The following LEPR variants were observed in gnomAD, a reference collection of about 807,000 sequenced individuals.
The protein encoded by LEPR is leptin receptor.
A neutral mutation model predicts 114.7 loss-of-function variants in LEPR; 56 were observed. That is an observed-to-expected ratio of 0.49 (90% CI 0.39 to 0.61). LEPR has a LOEUF of 0.61. LEPR is among the 20% of genes least tolerant of loss of function. The pLI is 0.00. For synonymous variants in LEPR, 443 were observed against 461.4 expected (o/e 0.96, Z 0.51); for missense variants, 1,202 against 1,352.9 (o/e 0.89, Z 1.75).
intron 2 of LEPR, among the ~76,000 whole-genome samples, chr1:65,445,649 T>A (rs1557594805): frequency 2.0e-5 from 3 of 152,132 alleles, no homozygotes; most frequent in Admixed American, 6.5e-5. Context: ...TTTTTTTTTT[T>A]AAACAGCAAA....
chr1:65,436,769 A>G (rs921271689), intron 2 of LEPR, among the ~76,000 whole-genome samples: 10 of 152,246 alleles, frequency 6.6e-5, no homozygotes, highest in Non-Finnish European at 1.2e-4. Flanking sequence ...GTGTTTACAC[A>G]CTTCGGAATG....
intron 2 of LEPR, among the ~76,000 whole-genome samples, chr1:65,547,351 T>C (rs1192716802): frequency 1.3e-5 from 2 of 152,210 alleles, no homozygotes; most frequent in Admixed American, 6.5e-5. Flanking sequence ...TCCCTCTTTT[T>C]CTATTGATTG....
At position 65,596,642 on chromosome 1, in the gene LEPR, A is replaced by G. The variant is rs3828034; in HGVS notation, c.849+49A>G. The G allele has an allele frequency of 0.17, 257,863 of 1,554,048 alleles. 23,059 individuals carry two copies. The highest frequency in any genetic ancestry group is 0.25 in the Middle Eastern group (1,321 of 5,298). On this transcript the variant is annotated intron_variant, in intron 7 of 19. Coordinates refer to ENST00000349533, the MANE Select transcript of LEPR (RefSeq NM_002303.6). The stretch of plus-strand genomic sequence containing the variant: ...AGGAAAAGTTGAGAAGTAAATAAAG[A>G]CCCTCTTAAGTCCCATAGCAATTAC...
Position 65,592,826 on chromosome 1 carries a change from TTC to T in LEPR, c.665_666del (p.Phe222SerfsTer16). 1 of 1,613,300 alleles carries T rather than the reference TTC, an allele frequency of 6.2e-7. No individual in the cohort carries two copies. ...GAAAATCACATCTGGTGGAGTAATTTTCCAGTCACCTCTAATGTCAGTTCAGC... is the reference window on the plus strand; with the variant it reads ...GAAAATCACATCTGGTGGAGTAATTTCAGTCACCTCTAATGTCAGTTCAGC... Reference protein sequence around the residue: ...CLKITSGGVIFQSPLMSVQPI... With the variant: ...CLKITSGGVIXQSPLMSVQPI... On this transcript the variant is annotated frameshift_variant, in exon 6 of 20. Coordinates refer to ENST00000349533, the MANE Select transcript of LEPR (RefSeq NM_002303.6). LOFTEE classifies it high-confidence loss of function.
rs1364613256 is a variant in LEPR at position 65,601,554 on chromosome 1, A to G, written c.1157A>G (p.Asp386Gly). Reference protein sequence around the residue: ...IPQSQYDVVSDHVSKVTFFNL... With the variant: ...IPQSQYDVVSGHVSKVTFFNL... ...CAAAGCCAGTATGATGTTGTGAGTG[A>G]TCATGTTAGCAAAGTTACTTTTTTC... Residue 386 changes from aspartate (D) to glycine (G), a missense_variant, in exon 9 of 20, where the codon GAT becomes GGT. By Grantham distance (94) the Asp-to-Gly change is moderately conservative (BLOSUM62 -1). Transcript: ENST00000349533. 5.0e-6 allele frequency: 8 copies of G among 1,613,690 alleles called. No individual in the cohort carries two copies. The highest frequency in any genetic ancestry group is 6.8e-6 in the Non-Finnish European group (8 of 1,179,780).
intron 2 of LEPR, among the ~76,000 whole-genome samples, chr1:65,515,209 C>T (rs1397312972): frequency 6.6e-6 from 1 of 152,172 alleles, no homozygotes; most frequent in Non-Finnish European, 1.5e-5. Context: ...CAAAGATGCT[C>T]TTAAGTCACT....
At chr1:65,424,609 A>G (rs983339035) in intron 1 of LEPR, among the ~76,000 whole-genome samples, 2 of 152,192 alleles carry the variant, frequency 1.3e-5, no homozygotes, top group Non-Finnish European at 2.9e-5. Context: ...TAAGAAATAT[A>G]TTTTAGACTG....
chr1:65,433,887 TG>T (rs1182815256), intron 2 of LEPR: 3 of 985,362 alleles, frequency 3.0e-6, no homozygotes, highest in East Asian at 1.1e-4. Flanking sequence ...TGTTTTAAAA[TG>T]GGCAGTTTTG....
chr1:65,434,172 C>G lies in LEPR; in HGVS notation c.-21+8794C>G, dbSNP rs907204388. 4.1e-6 allele frequency: 4 copies of G among 983,948 alleles called. No individual in the cohort carries two copies. The African/African-American group carries it at 7.0e-5, about 17-fold the overall frequency. The allele number at this position is 983,948 out of a possible 1,614,324, so 61.0% of individuals were successfully genotyped here. On this transcript the variant is annotated intron_variant, in intron 2 of 19. Transcript: ENST00000349533. The stretch of plus-strand genomic sequence containing the variant: ...GAAGTGATAGATTATTAGATTTGCT[C>G]TATGTCTGAAAAGAGAGCTATTCTG...
chr1:65,434,174 A>G (rs1646526568), intron 2 of LEPR: 4 of 983,618 alleles, frequency 4.1e-6, no homozygotes, highest in African/African-American at 3.5e-5. Flanking sequence ...GATTTGCTCT[A>G]TGTCTGAAAA....
chr1:65,486,768 C>T (rs1647506066), intron 2 of LEPR, among the ~76,000 whole-genome samples: 1 of 152,132 alleles, frequency 6.6e-6, no homozygotes, highest in Non-Finnish European at 1.5e-5. Context: ...CCAAGAGTAA[C>T]AAAGATGAGA....
At chr1:65,428,196 A>C (rs535964188) in intron 2 of LEPR, among the ~76,000 whole-genome samples, 191 of 152,298 alleles carry the variant, frequency 1.3e-3, no homozygotes, top group Admixed American at 1.9e-3. Flanking sequence ...TATATATTTA[A>C]TATTTACATT....
intron 2 of LEPR, among the ~76,000 whole-genome samples, chr1:65,505,586 C>T (rs1486491111): frequency 6.6e-6 from 1 of 151,878 alleles, no homozygotes. Flanking sequence ...CCAAGTCTTT[C>T]CCTTCTTCAT....
chr1:65,456,904 T>G (rs1479023036), intron 2 of LEPR, among the ~76,000 whole-genome samples: 1 of 152,216 alleles, frequency 6.6e-6, no homozygotes. Flanking sequence ...ACTCTTTTTC[T>G]GTCTTTTGTA....
chr1:65,596,954 C>T (rs1656105400), intron 7 of LEPR, among the ~76,000 whole-genome samples: 2 of 151,978 alleles, frequency 1.3e-5, no homozygotes, highest in Non-Finnish European at 1.5e-5. Flanking sequence ...TCTGCTAGCC[C>T]GATCTGTGCA....
At chr1:65,554,786 G>A (rs1220259255) in intron 2 of LEPR, among the ~76,000 whole-genome samples, 2 of 152,108 alleles carry the variant, frequency 1.3e-5, no homozygotes, top group Non-Finnish European at 2.9e-5. Flanking sequence ...AACTAGTTTG[G>A]TGTCTGCCCA....
intron 2 of LEPR, among the ~76,000 whole-genome samples, chr1:65,471,190 C>A (rs1260865431): frequency 6.6e-6 from 1 of 152,144 alleles, no homozygotes; most frequent in Non-Finnish European, 1.5e-5. Context: ...CAAGGAGAAC[C>A]AGACTTAAGG....
intron 2 of LEPR, among the ~76,000 whole-genome samples, chr1:65,538,929 G>A (rs1650970653): frequency 6.6e-6 from 1 of 151,666 alleles, no homozygotes; most frequent in South Asian, 2.1e-4. Context: ...TTATCGCTGG[G>A]AAATTTTCTT....
intron 2 of LEPR, chr1:65,433,172 C>A (rs567637781): frequency 5.9e-5 from 58 of 985,452 alleles, no homozygotes; most frequent in African/African-American, 3.7e-4. Flanking sequence ...CTCTGCCCCC[C>A]ACCCCTACTC....
Sources: allele counts gnomAD v4.1 joint callset (sites outside exome capture counted in the v4.1 genomes callset), GRCh38; gene constraint gnomAD v4.1.1; transcripts MANE v1.5; gene names NCBI Gene and HGNC (gene_info 2026-07-23, HGNC 2026-07-21).